Variants in CDH13 observed in about 807,000 individuals in gnomAD.
CDH13 encodes cadherin 13, also known as cadherin-13.
CDH13 carries 24 observed loss-of-function variants against 63.8 expected under a neutral mutation model. The ratio of observed to expected loss-of-function variants is 0.38; its 90% CI spans 0.27 to 0.53. The LOEUF (loss-of-function observed/expected upper bound fraction) is 0.53, where lower values mean the gene tolerates loss of function less well. Ranked by LOEUF, CDH13 falls within the 20% of genes least tolerant of loss-of-function variation. The pLI, the probability that CDH13 is intolerant of heterozygous loss-of-function variation, is 0.85. For synonymous variants in CDH13, 503 were observed against 355.3 expected (o/e 1.42, Z -4.67); for missense variants, 1,049 against 903.1 (o/e 1.16, Z -2.07).
intron 4 of CDH13, chr16:83,171,670 A>C: frequency 2.1e-6 from 2 of 955,008 alleles, no homozygotes; most frequent in Non-Finnish European, 3.2e-6. Context: ...TGACACTGCA[A>C]ATAGCATGCT....
At chr16:83,005,199 A>G (rs1913358241) in intron 2 of CDH13, among the ~76,000 whole-genome samples, 2 of 152,166 alleles carry the variant, frequency 1.3e-5, no homozygotes, top group South Asian at 4.1e-4. Flanking sequence ...CAGGGCTTTA[A>G]CCGGTGGCTC....
At chr16:83,133,818 T>A (rs2036160733) in intron 4 of CDH13, among the ~76,000 whole-genome samples, 1 of 152,186 alleles carries the variant, frequency 6.6e-6, no homozygotes, top group Admixed American at 6.5e-5. Flanking sequence ...TTACTTGATC[T>A]CTTTTATACA....
intron 1 of CDH13, among the ~76,000 whole-genome samples, chr16:82,833,113 A>G (rs1258840932): frequency 6.6e-6 from 1 of 152,224 alleles, no homozygotes; most frequent in South Asian, 2.1e-4. Context: ...AGGAGAGCCA[A>G]TGTGAGAGAC....
intron 7 of CDH13, among the ~76,000 whole-genome samples, chr16:83,519,209 C>A (rs901490010): frequency 6.6e-6 from 1 of 152,080 alleles, no homozygotes; most frequent in East Asian, 1.9e-4. Flanking sequence ...GGAGAAATAC[C>A]AGGAGTCTTG....
intron 3 of CDH13, among the ~76,000 whole-genome samples, chr16:83,068,317 C>G (rs1339829355): frequency 6.6e-6 from 1 of 152,140 alleles, no homozygotes; most frequent in African/African-American, 2.4e-5. Context: ...TATTATCTAT[C>G]TAGAATAACT....
At chr16:82,900,207 A>T (rs1224953886) in intron 2 of CDH13, among the ~76,000 whole-genome samples, 1 of 152,200 alleles carries the variant, frequency 6.6e-6, no homozygotes, top group Non-Finnish European at 1.5e-5. Flanking sequence ...GGACAGAAAG[A>T]ACCAGGACAA....
chr16:83,196,973 C>G (rs532080521), intron 4 of CDH13, among the ~76,000 whole-genome samples: 1 of 152,278 alleles, frequency 6.6e-6, no homozygotes, highest in East Asian at 1.9e-4. Flanking sequence ...TATGTTCACA[C>G]AAAACCTGTA....
chr16:82,814,133 C>T (rs945800864), intron 1 of CDH13, among the ~76,000 whole-genome samples: 2 of 152,072 alleles, frequency 1.3e-5, no homozygotes, highest in African/African-American at 4.8e-5. Context: ...ATAATAAATA[C>T]ATATTTGGTC....
chr16:82,902,538 G>C (rs1282734679), intron 2 of CDH13, among the ~76,000 whole-genome samples: 6 of 151,936 alleles, frequency 3.9e-5, no homozygotes, highest in African/African-American at 1.2e-4. Flanking sequence ...TTCTTTCCTC[G>C]GGATTTATTT....
chr16:83,746,060 T>C (rs751139163), intron 10 of CDH13, among the ~76,000 whole-genome samples: 4 of 152,150 alleles, frequency 2.6e-5, no homozygotes, highest in Non-Finnish European at 4.4e-5. Flanking sequence ...AGAGTCCTCA[T>C]CTGTAAGTGG....
At chr16:83,791,947 AGT>A (rs1916300901) in intron 13 of CDH13, among the ~76,000 whole-genome samples, 1 of 152,242 alleles carries the variant, frequency 6.6e-6, no homozygotes, top group Non-Finnish European at 1.5e-5. Flanking sequence ...CATTTTGGTA[AGT>A]GTACAGAATT....
intron 10 of CDH13, among the ~76,000 whole-genome samples, chr16:83,686,020 AC>A (rs1904308251): frequency 6.6e-6 from 1 of 152,196 alleles, no homozygotes; most frequent in African/African-American, 2.4e-5. Flanking sequence ...TATTTTCATA[AC>A]CACCCTGTAA....
rs141808572 is a variant in CDH13 at position 83,668,930 on chromosome 16, G to A, written c.1102-1860G>A. Among the ~76,000 whole-genome samples the A allele has an allele frequency of 1.2e-3, 179 of 152,302 alleles. 1 individual carries two copies. The highest frequency in any genetic ancestry group is 4.1e-3 in the African/African-American group (172 of 41,570). ...GCAGGCCTGTCCACACCAGGCTCAG[G>A]CAGCTTCACCCATTCACAAGGGTAG... On this transcript the variant is annotated intron_variant, in intron 8 of 13. Transcript: ENST00000567109.
Position 83,626,057 on chromosome 16 carries a change from C to T in CDH13, c.1101+23463C>T, listed in dbSNP as rs1211813741. 2.7e-5 allele frequency among the ~76,000 whole-genome samples: 4 copies of T among 150,076 alleles called. 1 individual carries two copies. Among genetic ancestry groups the T allele is most frequent in the South Asian group, 4.2e-4 (2 of 4,754 alleles). On this transcript the variant is annotated intron_variant, in intron 8 of 13. Coordinates refer to ENST00000567109, the MANE Select transcript of CDH13 (RefSeq NM_001257.5). ...GCAGGGTCTCACTCTGTTGCCCAGG[C>T]TGGAGTGCAGTGGAACAATCACAGT...
chr16:83,730,520 T>A (rs771294906), intron 10 of CDH13, among the ~76,000 whole-genome samples: 1 of 152,258 alleles, frequency 6.6e-6, no homozygotes, highest in Admixed American at 6.5e-5. Flanking sequence ...CTGTGACTTT[T>A]TAAAATCACA....
At chr16:83,102,091 C>T (rs941621087) in intron 3 of CDH13, among the ~76,000 whole-genome samples, 2 of 152,166 alleles carry the variant, frequency 1.3e-5, no homozygotes, top group African/African-American at 4.8e-5. Context: ...AGATGCTACG[C>T]TCCTGGCTTT....
intron 11 of CDH13, among the ~76,000 whole-genome samples, chr16:83,762,117 A>G (rs1280229445): frequency 2.0e-5 from 3 of 152,206 alleles, no homozygotes; most frequent in East Asian, 1.9e-4. Context: ...TTACCTAAGA[A>G]CATTGTTTCA....
At chr16:83,070,857 C>T (rs797005833) in intron 3 of CDH13, among the ~76,000 whole-genome samples, 20 of 34,260 alleles carry the variant, frequency 5.8e-4, no homozygotes, top group Admixed American at 5.4e-3. Flanking sequence ...AATAAACAGC[C>T]CCCCCCCCCC....
At chr16:83,144,861 C>T (rs2036680424) in intron 4 of CDH13, among the ~76,000 whole-genome samples, 1 of 152,198 alleles carries the variant, frequency 6.6e-6, no homozygotes, top group Non-Finnish European at 1.5e-5. Flanking sequence ...GCCTTCTCTC[C>T]TAACAGACAG....
Sources: gnomAD v4.1 joint callset for allele counts (sites outside exome capture counted in the v4.1 genomes callset) on GRCh38, gnomAD v4.1.1 for gene constraint, MANE v1.5 for transcripts, NCBI Gene and HGNC (gene_info 2026-07-23, HGNC 2026-07-21) for gene names.